ADGRV1: variants seen among roughly 807,000 people sequenced by gnomAD.
ADGRV1 encodes G-protein coupled receptor 98.
A neutral mutation model predicts 596.2 loss-of-function variants in ADGRV1; 359 were observed. The ratio of observed to expected loss-of-function variants is 0.60; its 90% CI spans 0.55 to 0.66. The LOEUF is 0.66. Among genes scored for constraint, ADGRV1 ranks in the 30% least tolerant of loss-of-function variants. The pLI is 0.00. For missense variants in ADGRV1, 7,274 were observed against 7,575.6 expected (o/e 0.96, Z 1.48); for synonymous variants, 2,681 against 2,679.2 (o/e 1.00, Z -0.02).
chr5:90,811,462 A>T, intron 74 of ADGRV1, 124 bp downstream of exon 74: 1 of 924,602 alleles, frequency 1.1e-6, no homozygotes, highest in Non-Finnish European at 1.6e-6. Context: ...GGAATGCATT[A>T]AAGTGTTGTT....
At chr5:91,018,034 C>T (rs1783316289) in intron 85 of ADGRV1, among the ~76,000 whole-genome samples, 1 of 151,742 alleles carries the variant, frequency 6.6e-6, no homozygotes, top group African/African-American at 2.4e-5. Context: ...TCATAATCTA[C>T]CCTACTATGT....
chr5:90,577,427 A>G (rs184595370), intron 1 of ADGRV1, among the ~76,000 whole-genome samples: 7 of 152,180 alleles, frequency 4.6e-5, no homozygotes, highest in Admixed American at 4.6e-4. Flanking sequence ...AGATGGTTGC[A>G]GATGTGTGGT....
intron 75 of ADGRV1, among the ~76,000 whole-genome samples, chr5:90,820,909 T>C (rs1348593957): frequency 6.6e-6 from 1 of 152,092 alleles, no homozygotes; most frequent in Non-Finnish European, 1.5e-5. Flanking sequence ...GTTGCTCTTC[T>C]CGAGGAGTAT....
chr5:90,889,157 T>C (rs1770568418), intron 83 of ADGRV1, among the ~76,000 whole-genome samples: 1 of 151,844 alleles, frequency 6.6e-6, no homozygotes, highest in South Asian at 2.1e-4. Flanking sequence ...ACATTTAATA[T>C]ACCCCCACTT....
intron 48 of ADGRV1, among the ~76,000 whole-genome samples, chr5:90,727,106 G>A (rs1751895501): frequency 6.6e-6 from 1 of 152,038 alleles, no homozygotes; most frequent in African/African-American, 2.4e-5. Context: ...ATTAGTGGGG[G>A]GGATGGGGTC....
chr5:90,797,223 G>A (rs956015553), intron 70 of ADGRV1, among the ~76,000 whole-genome samples: 2 of 144,864 alleles, frequency 1.4e-5, no homozygotes, highest in Admixed American at 1.4e-4. Flanking sequence ...CCCATCTCAT[G>A]TGCAGAGACA....
chr5:90,867,070 C>T (rs1768194465), intron 83 of ADGRV1, among the ~76,000 whole-genome samples: 1 of 152,012 alleles, frequency 6.6e-6, no homozygotes, highest in Non-Finnish European at 1.5e-5. Flanking sequence ...ACATTGCCAA[C>T]CCATGTGTGC....
intron 86 of ADGRV1, among the ~76,000 whole-genome samples, chr5:91,075,624 A>G (rs1021892119): frequency 1.3e-5 from 2 of 152,160 alleles, no homozygotes; most frequent in African/African-American, 2.4e-5. Flanking sequence ...TAATTCCCCT[A>G]TTCCCATGGC....
chr5:90,870,182 G>A (rs771430478), intron 83 of ADGRV1, among the ~76,000 whole-genome samples: 6 of 152,156 alleles, frequency 3.9e-5, no homozygotes, highest in Non-Finnish European at 5.9e-5. Flanking sequence ...GTTGGGTAGA[G>A]AACCTGTGTA....
intron 85 of ADGRV1, among the ~76,000 whole-genome samples, chr5:90,993,080 T>A (rs866641806): frequency 2.6e-5 from 4 of 152,038 alleles, no homozygotes; most frequent in Middle Eastern, 6.8e-3. Context: ...CAATGCACTA[T>A]GTCCCATTAT....
At chr5:90,768,245 C>T (rs1330812160) in intron 59 of ADGRV1, among the ~76,000 whole-genome samples, 1 of 152,148 alleles carries the variant, frequency 6.6e-6, no homozygotes, top group Non-Finnish European at 1.5e-5. Context: ...CCACTCTCTC[C>T]ATCTGCTTGT....
chr5:90,894,567 T>C (rs1442929981), intron 83 of ADGRV1, among the ~76,000 whole-genome samples: 1 of 152,144 alleles, frequency 6.6e-6, no homozygotes, highest in African/African-American at 2.4e-5. Flanking sequence ...ATGACAACAC[T>C]TTATTTAGCG....
intron 85 of ADGRV1, among the ~76,000 whole-genome samples, chr5:91,056,883 T>A (rs1786919541): frequency 6.6e-6 from 1 of 152,210 alleles, no homozygotes; most frequent in Non-Finnish European, 1.5e-5. Flanking sequence ...TCGAATTTAC[T>A]TTTTGTCTAA....
intron 85 of ADGRV1, among the ~76,000 whole-genome samples, chr5:90,989,997 T>C (rs552943485): frequency 3.0e-4 from 46 of 152,260 alleles, no homozygotes; most frequent in African/African-American, 9.6e-4. Context: ...TTTGCATTTT[T>C]AGTAGGGACG....
intron 83 of ADGRV1, among the ~76,000 whole-genome samples, chr5:90,915,470 A>G (rs1397952497): frequency 6.6e-6 from 1 of 152,188 alleles, no homozygotes; most frequent in Non-Finnish European, 1.5e-5. Flanking sequence ...GAAGAGCCAC[A>G]TGAACTGAGC....
intron 85 of ADGRV1, among the ~76,000 whole-genome samples, chr5:90,987,426 C>T (rs1056791927): frequency 7.5e-5 from 11 of 147,150 alleles, no homozygotes; most frequent in Non-Finnish European, 1.2e-4. Context: ...GCCAAGATCA[C>T]GCCACTGCAC....
intron 1 of ADGRV1, among the ~76,000 whole-genome samples, chr5:90,604,821 G>A (rs1405180544): frequency 1.3e-5 from 2 of 152,106 alleles, no homozygotes; most frequent in African/African-American, 4.8e-5. Flanking sequence ...AGCAAACTTT[G>A]ACTTATTTTA....
chr5:90,953,085 T>C (rs1777182819), intron 83 of ADGRV1, among the ~76,000 whole-genome samples: 1 of 152,124 alleles, frequency 6.6e-6, no homozygotes, highest in African/African-American at 2.4e-5. Context: ...TTGAAAGCCA[T>C]GTGAAAAAAT....
At chr5:90,912,760 T>A (rs1383873291) in intron 83 of ADGRV1, among the ~76,000 whole-genome samples, 2 of 152,180 alleles carry the variant, frequency 1.3e-5, no homozygotes, top group African/African-American at 4.8e-5. Flanking sequence ...TGTTCTTTCT[T>A]ATGGCTGCAA....
Sources: allele counts gnomAD v4.1 joint callset (sites outside exome capture counted in the v4.1 genomes callset), GRCh38; gene constraint gnomAD v4.1.1; transcripts MANE v1.5; gene names NCBI Gene and HGNC (gene_info 2026-07-23, HGNC 2026-07-21).